The following CFAP46 variants were observed in gnomAD, a reference collection of about 807,000 sequenced individuals.
CFAP46 encodes cilia- and flagella-associated protein 46.
Under a neutral mutation model 325.7 loss-of-function variants are expected in CFAP46, and 245 were observed. The ratio of observed to expected loss-of-function variants is 0.75; its 90% CI spans 0.68 to 0.84. The LOEUF (loss-of-function observed/expected upper bound fraction) is 0.84. Among genes scored for constraint, CFAP46 ranks in the 40% least tolerant of loss-of-function variants. The pLI is 0.00. For synonymous variants in CFAP46, 1,523 were observed against 1,495.9 expected (o/e 1.02, Z -0.42); for missense variants, 3,346 against 3,543.0 (o/e 0.94, Z 1.41).
Position 132,919,555 on chromosome 10 carries a change from C to G in CFAP46, c.1731-113G>C. ...AAAGGCCACTGTGGCTCTGCAGTTTCAAGGTGGCAAGGAGCCCGGCACTCG... is the reference window on the plus strand; with the variant it reads ...AAAGGCCACTGTGGCTCTGCAGTTTGAAGGTGGCAAGGAGCCCGGCACTCG... On this transcript the variant is annotated intron_variant, in intron 14 of 57. Coordinates refer to ENST00000368586, the MANE Select transcript of CFAP46 (RefSeq NM_001200049.3). This position sits in a 1 kb window ranked among gnomAD's most constrained non-coding sequence, Gnocchi z 9.7. 4.4e-6 allele frequency: 6 copies of G among 1,369,496 alleles called. No individual in the cohort carries two copies. The highest frequency in any genetic ancestry group is 5.8e-6 in the Non-Finnish European group (6 of 1,029,436). 84.8% of individuals were successfully genotyped at this position (1,369,496 alleles called of 1,614,324 possible).
intron 33 of CFAP46, among the ~76,000 whole-genome samples, chr10:132,868,579 A>G (rs911596829): frequency 2.0e-5 from 3 of 152,262 alleles, no homozygotes; most frequent in African/African-American, 4.8e-5. Context: ...CACTTTCACC[A>G]TAACAGTGTC....
In CFAP46 at chr10:132,814,716, AGT is replaced by A; in HGVS notation, c.7217_7218del (p.Asp2406ValfsTer141). ...KGSIPRTIPP[D>X]CIIVDSDNFK... is the part of the protein sequence containing the mutation. ...AAGTTGTCTGAGTCGACTATGATGC[AGT>A]CAGGGGGGATGGTCCGGGGGATGCT... On this transcript the variant is annotated frameshift_variant, in exon 52 of 58. Transcript: ENST00000368586. LOFTEE classifies it high-confidence loss of function. The A allele has an allele frequency of 6.2e-7, 1 of 1,612,608 alleles. No individual in the cohort carries two copies. The highest frequency in any genetic ancestry group is 8.5e-7 in the Non-Finnish European group (1 of 1,179,336).
In CFAP46 at chr10:132,858,595, G is replaced by A. The variant is rs190459762; in HGVS notation, c.5375+476C>T. On this transcript the variant is annotated intron_variant, in intron 38 of 57. Coordinates refer to ENST00000368586, the MANE Select transcript of CFAP46 (RefSeq NM_001200049.3). ...GAGCAGCCCCTGAGATGCCGTCTGCGGCCGCGCTACAGAGCCATGCAGGGC... is the reference window on the plus strand; with the variant it reads ...GAGCAGCCCCTGAGATGCCGTCTGCAGCCGCGCTACAGAGCCATGCAGGGC... Among the ~76,000 whole-genome samples the A allele has an allele frequency of 1.7e-4, 26 of 152,230 alleles. No homozygotes were observed. The East Asian group carries it at 3.3e-3, about 19-fold the overall frequency.
chr10:132,834,700 C>T lies in CFAP46; in HGVS notation c.6820G>A (p.Glu2274Lys). ...AGGGGGAATAGCGGCTGCAGAAGCT[C>T]CTCCAGGGGCCCCAGGACGCTACTG... is the stretch of plus-strand genomic sequence containing the variant. Reference protein sequence around the residue: ...RLSSVLGPLEELLQPLFPLLS... With the variant: ...RLSSVLGPLEKLLQPLFPLLS... The change falls in exon 48 of 58, where the codon GAG (glutamate) becomes AAG (lysine). Residue 2274 changes from glutamate (E) to lysine (K), a missense_variant. Physicochemically the swap from Glu to Lys is moderately conservative, Grantham distance 56 (BLOSUM62 1). Coordinates refer to ENST00000368586, the MANE Select transcript of CFAP46 (RefSeq NM_001200049.3). 6.2e-7 allele frequency: 1 copy of T among 1,613,022 alleles called. No homozygotes were observed. Among genetic ancestry groups the T allele is most frequent in the South Asian group, 1.1e-5 (1 of 90,982 alleles).
intron 44 of CFAP46, among the ~76,000 whole-genome samples, chr10:132,839,748 G>A (rs1054902072): frequency 6.6e-6 from 1 of 152,106 alleles, no homozygotes; most frequent in East Asian, 1.9e-4. Flanking sequence ...TTTTGCACCT[G>A]TCAAGGTGAT....
chr10:132,926,987 G>A (rs1849820841), intron 9 of CFAP46, among the ~76,000 whole-genome samples: 1 of 152,216 alleles, frequency 6.6e-6, no homozygotes, highest in South Asian at 2.1e-4. Flanking sequence ...GCGGCCCGGG[G>A]CTGCGCTGAA....
chr10:132,885,475 G>C (rs1053045975), intron 26 of CFAP46, among the ~76,000 whole-genome samples, 189 bp from the exon 27 acceptor site: 3 of 152,028 alleles, frequency 2.0e-5, no homozygotes, highest in African/African-American at 7.2e-5. Context: ...GGGCTATGCA[G>C]GGTTTTCAGT....
At chr10:132,819,592 T>G (rs1211854297) in intron 50 of CFAP46, among the ~76,000 whole-genome samples, 1 of 152,184 alleles carries the variant, frequency 6.6e-6, no homozygotes, top group African/African-American at 2.4e-5. Context: ...ACCCACACGT[T>G]CAGGGTCAAT....
At chr10:132,819,476 C>T (rs1173399936) in intron 50 of CFAP46, among the ~76,000 whole-genome samples, 2 of 152,192 alleles carry the variant, frequency 1.3e-5, no homozygotes, top group East Asian at 3.8e-4. Context: ...CATCACATTA[C>T]CTGACTTGAA....
At chr10:132,811,212 A>T (rs1847575687) in intron 55 of CFAP46, among the ~76,000 whole-genome samples, 181 bp from the exon 56 acceptor site, 1 of 152,042 alleles carries the variant, frequency 6.6e-6, no homozygotes. Flanking sequence ...GCCACAGTGG[A>T]CCTCGCCAGC....
intron 24 of CFAP46, among the ~76,000 whole-genome samples, chr10:132,893,111 C>T (rs1169274640): frequency 2.6e-5 from 4 of 152,200 alleles, no homozygotes; most frequent in East Asian, 1.9e-4. Flanking sequence ...GGCAAAATGG[C>T]GGAGTTTCAC....
Position 132,898,925 on chromosome 10 carries a change from T to C in CFAP46, c.3219+34A>G, listed in dbSNP as rs1438929066. On this transcript the variant is annotated intron_variant, in intron 24 of 57. Coordinates refer to ENST00000368586, the MANE Select transcript of CFAP46 (RefSeq NM_001200049.3). ...CTGGAAGACCCACTAGAGGCCTCAG[T>C]GGGAGTCAGGAGCCCCCTCCAGGGC... 2.1e-5 allele frequency: 32 copies of C among 1,549,836 alleles called. No homozygotes were observed. The East Asian group carries it at 7.3e-4, about 36-fold the overall frequency.
chr10:132,814,841 C>G lies in CFAP46; in HGVS notation c.7188+3G>C, dbSNP rs769708646. 8.7e-6 allele frequency: 14 copies of G among 1,614,092 alleles called. No individual in the cohort carries two copies. The highest frequency in any genetic ancestry group is 1.2e-5 in the Non-Finnish European group (14 of 1,180,024). ...CGATCCCCTATCACAGGCCCCCACCCACCTTCCTGCCCTTCTTCGCTAGGC... is the reference window on the plus strand; with the variant it reads ...CGATCCCCTATCACAGGCCCCCACCGACCTTCCTGCCCTTCTTCGCTAGGC... On this transcript the variant is annotated splice_donor_region_variant and intron_variant, in intron 51 of 57. Coordinates refer to ENST00000368586, the MANE Select transcript of CFAP46 (RefSeq NM_001200049.3).
At chr10:132,880,262 C>T (rs1192711262) in intron 28 of CFAP46, among the ~76,000 whole-genome samples, 1 of 152,242 alleles carries the variant, frequency 6.6e-6, no homozygotes, top group African/African-American at 2.4e-5. Flanking sequence ...TCACCCTGGG[C>T]TGATGCCCAG....
chr10:132,812,037 G>C (rs1298963773), intron 55 of CFAP46, among the ~76,000 whole-genome samples: 2 of 152,236 alleles, frequency 1.3e-5, no homozygotes, highest in African/African-American at 4.8e-5. Context: ...CCTGCACAGG[G>C]GGCGTCCTGG....
rs368360592 is a variant in CFAP46, at chr10:132,845,294, A to C, written c.6438+763T>G. 1.5e-3 allele frequency among the ~76,000 whole-genome samples: 229 copies of C among 152,282 alleles called. 1 individual carries two copies. The highest frequency in any genetic ancestry group is 0.01 in the South Asian group (50 of 4,826). On this transcript the variant is annotated intron_variant, in intron 44 of 57. Coordinates refer to ENST00000368586, the MANE Select transcript of CFAP46 (RefSeq NM_001200049.3). ...TTTCCAGGTTTCCACCTCTGGGTTG[A>C]GTCACCAGTTCTCAGCCGGGGCCAT... is the stretch of plus-strand genomic sequence containing the variant.
chr10:132,929,494 A>T (rs1445922774), intron 9 of CFAP46: 1 of 777,464 alleles, frequency 1.3e-6, no homozygotes, highest in Admixed American at 1.7e-5. Flanking sequence ...GCCACAAGAA[A>T]GGTAAAGAGA....
intron 50 of CFAP46, among the ~76,000 whole-genome samples, chr10:132,826,950 C>T (rs1202780742): frequency 6.6e-6 from 1 of 152,218 alleles, no homozygotes; most frequent in South Asian, 2.1e-4. Flanking sequence ...AGGAGTGGCT[C>T]TCGGGTGGGT....
chr10:132,909,373 A>G, intron 20 of CFAP46, 129 bp from the exon 21 acceptor site: 1 of 672,602 alleles, frequency 1.5e-6, no homozygotes, highest in East Asian at 2.8e-5. Flanking sequence ...GAGCGTTTAT[A>G]CCTTAGGCTG....
Sources: gnomAD v4.1 joint callset for allele counts (sites outside exome capture counted in the v4.1 genomes callset) on GRCh38, gnomAD v4.1.1 for gene constraint, Gnocchi (gnomAD v3.1) non-coding constraint, MANE v1.5 for transcripts, NCBI Gene and HGNC (gene_info 2026-07-23, HGNC 2026-07-21) for gene names.